Variants in CWF19L2 observed in about 807,000 individuals in gnomAD.
The protein encoded by CWF19L2 is CWF19-like protein 2.
In CWF19L2, 98 loss-of-function variants were observed where a neutral mutation model predicts 111.7. The observed-to-expected ratio is 0.88, with a 90% CI of 0.75 to 1.04. CWF19L2 has a LOEUF of 1.04. Among genes scored for constraint, CWF19L2 ranks in the 50% least tolerant of loss-of-function variants. The probability of loss-of-function intolerance (pLI) is 0.00; values close to 1 mark genes in which losing one functional copy is unlikely to be tolerated. For synonymous variants in CWF19L2, 351 were observed against 342.9 expected, an observed-to-expected ratio of 1.02 and a Z score of -0.26; for missense variants, 1,101 against 1,051.4, an observed-to-expected ratio of 1.05 and a Z score of -0.65.
chr11:107,443,799 C>G (rs1220006451), intron 3 of CWF19L2, among the ~76,000 whole-genome samples: 1 of 152,182 alleles, frequency 6.6e-6, no homozygotes, highest in African/African-American at 2.4e-5. Context: ...ACATTATCTT[C>G]TTCAACACCC....
chr11:107,369,445 G>GA lies in CWF19L2; in HGVS notation c.1873-15710dup, dbSNP rs535186791. On this transcript the variant is annotated intron_variant, in intron 12 of 17. Coordinates refer to ENST00000282251, the MANE Select transcript of CWF19L2 (RefSeq NM_152434.3). Reference sequence around the variant, plus strand: ...CATAAACATTTGACTAGTATCAAGAGAAAAAACACAAAATGCCACATTTTT... The same window carrying GA: ...CATAAACATTTGACTAGTATCAAGAGAAAAAAACACAAAATGCCACATTTTT... 4.8e-4 allele frequency among the ~76,000 whole-genome samples: 65 copies of GA among 136,720 alleles called. 10 individuals carry two copies. The highest frequency in any genetic ancestry group is 3.4e-3 in the Admixed American group (48 of 13,930). The allele number at this position is 136,720 out of a possible 152,430, so 89.7% of individuals were successfully genotyped here. A position where few individuals can be genotyped will look rare whatever the true frequency, so the allele number is the denominator to read the frequency against.
At chr11:107,420,511 C>G (rs1214642836) in intron 8 of CWF19L2, among the ~76,000 whole-genome samples, 4 of 151,976 alleles carry the variant, frequency 2.6e-5, no homozygotes, top group Non-Finnish European at 5.9e-5. Flanking sequence ...TAAACAAATC[C>G]ACAATTATAG....
chr11:107,404,844 T>A (rs550406736), intron 10 of CWF19L2, among the ~76,000 whole-genome samples: 2 of 152,218 alleles, frequency 1.3e-5, no homozygotes. Flanking sequence ...TCTACTTTCC[T>A]CTTCTACTCA....
At chr11:107,357,426 C>G (rs946389193) in intron 12 of CWF19L2, among the ~76,000 whole-genome samples, 1 of 152,132 alleles carries the variant, frequency 6.6e-6, no homozygotes, top group African/African-American at 2.4e-5. Flanking sequence ...CATAATTGTG[C>G]CTTCATATGA....
At chr11:107,430,404 A>G (rs1180647570) in intron 7 of CWF19L2, among the ~76,000 whole-genome samples, 1 of 152,174 alleles carries the variant, frequency 6.6e-6, no homozygotes, top group Non-Finnish European at 1.5e-5. Flanking sequence ...ATAATTCTAT[A>G]TAGAGAATTC....
At chr11:107,441,457 A>G in intron 5 of CWF19L2, 46 bp downstream of exon 5, 3 of 1,444,272 alleles carry the variant, frequency 2.1e-6, no homozygotes, top group Non-Finnish European at 2.7e-6. Context: ...TTGTAAGTTT[A>G]TTAAAGGTAA....
At chr11:107,380,726 T>G (rs1199138548) in intron 12 of CWF19L2, among the ~76,000 whole-genome samples, 2 of 152,140 alleles carry the variant, frequency 1.3e-5, no homozygotes, top group Non-Finnish European at 2.9e-5. Flanking sequence ...GTCTAGATAT[T>G]AATATATACC....
At chr11:107,355,593 A>G (rs1013521846) in intron 12 of CWF19L2, among the ~76,000 whole-genome samples, 2 of 152,218 alleles carry the variant, frequency 1.3e-5, no homozygotes, top group African/African-American at 4.8e-5. Context: ...AGTATTATGA[A>G]TGATAAAAGG....
intron 6 of CWF19L2, among the ~76,000 whole-genome samples, chr11:107,434,052 G>T (rs925249521): frequency 2.0e-5 from 3 of 151,246 alleles, no homozygotes; most frequent in Admixed American, 6.6e-5. Flanking sequence ...AAAATAATGT[G>T]ACCGCTACTA....
chr11:107,416,533 A>T (rs972351065), intron 9 of CWF19L2, among the ~76,000 whole-genome samples: 1 of 152,208 alleles, frequency 6.6e-6, no homozygotes, highest in Admixed American at 6.5e-5. Context: ...ATAAGGACAT[A>T]TATTTTGGAA....
Position 107,439,285 on chromosome 11 carries a change from G to A in CWF19L2, c.571-102C>T, listed in dbSNP as rs1861587581. The A allele has an allele frequency of 4.5e-6, 3 of 673,282 alleles. No individual in the cohort carries two copies. The East Asian group carries it at 8.6e-5, about 19-fold the overall frequency. The allele number at this position is 673,282 out of a possible 1,614,324, so 41.7% of individuals were successfully genotyped here. A position where few individuals can be genotyped will look rare whatever the true frequency, so the allele number is the denominator to read the frequency against. On this transcript the variant is annotated intron_variant, in intron 5 of 17. Coordinates refer to ENST00000282251, the MANE Select transcript of CWF19L2 (RefSeq NM_152434.3). ...GACCCAGTTAATAGTCATAACCCTG[G>A]ACAAATCATTTAAAACATTCTTAAG...
intron 1 of CWF19L2, among the ~76,000 whole-genome samples, chr11:107,456,820 C>T (rs1861862630): frequency 6.6e-6 from 1 of 152,140 alleles, no homozygotes; most frequent in African/African-American, 2.4e-5. Flanking sequence ...TTATGATGGA[C>T]TCCAAAGAAC....
In CWF19L2 at chr11:107,326,966, G is replaced by A. The variant is rs762901231; in HGVS notation, c.2629C>T (p.Leu877=). The change falls in exon 18 of 18, where the codon CTG becomes TTG. Residue 877 remains leucine (L), a synonymous_variant. Coordinates refer to ENST00000282251, the MANE Select transcript of CWF19L2 (RefSeq NM_152434.3). ...GGTTTCCACCACTGAGCAAACTGCA[G>A]TGCTTTTTTCCTCTGATCCTCAAAG... The part of the protein sequence containing the change: ...ESFEDQRKKA[L]QFAQWWKPYD... 3 of 1,612,126 alleles carry A rather than the reference G, an allele frequency of 1.9e-6. No homozygotes were observed. Among genetic ancestry groups the A allele is most frequent in the Non-Finnish European group, 2.5e-6 (3 of 1,179,002 alleles).
chr11:107,426,070 AT>A (rs1268519238), intron 8 of CWF19L2, among the ~76,000 whole-genome samples: 1 of 151,908 alleles, frequency 6.6e-6, no homozygotes, highest in East Asian at 1.9e-4. Flanking sequence ...AAAAAGAGTG[AT>A]AAATTTGAAC....
At chr11:107,453,648 G>A (rs1861811723) in intron 3 of CWF19L2, among the ~76,000 whole-genome samples, 1 of 151,098 alleles carries the variant, frequency 6.6e-6, no homozygotes, top group Non-Finnish European at 1.5e-5. Flanking sequence ...TTCTGCTTGA[G>A]AAAAGTAAAG....
intron 9 of CWF19L2, among the ~76,000 whole-genome samples, chr11:107,416,864 C>A (rs1861234032): frequency 6.6e-6 from 1 of 152,194 alleles, no homozygotes; most frequent in African/African-American, 2.4e-5. Flanking sequence ...CACAAGAACA[C>A]ATATTTCACC....
At chr11:107,378,251 G>A (rs1358247796) in intron 12 of CWF19L2, among the ~76,000 whole-genome samples, 1 of 149,404 alleles carries the variant, frequency 6.7e-6, no homozygotes, top group Non-Finnish European at 1.5e-5. Flanking sequence ...ATTTGACCCA[G>A]CCATCCCATT....
intron 17 of CWF19L2, among the ~76,000 whole-genome samples, chr11:107,329,603 C>A (rs1330322197): frequency 2.6e-5 from 4 of 152,136 alleles, no homozygotes. Flanking sequence ...CAGTAGCTGG[C>A]ACACTGTAAG....
At chr11:107,378,750 T>C (rs1860634999) in intron 12 of CWF19L2, among the ~76,000 whole-genome samples, 1 of 151,964 alleles carries the variant, frequency 6.6e-6, no homozygotes, top group Admixed American at 6.6e-5. Context: ...ACATGTACCC[T>C]AAAGCTTAAA....
Sources: gnomAD v4.1 joint callset for allele counts (sites outside exome capture counted in the v4.1 genomes callset) on GRCh38, gnomAD v4.1.1 for gene constraint, MANE v1.5 for transcripts, NCBI Gene and HGNC (gene_info 2026-07-23, HGNC 2026-07-21) for gene names.